Variants in SV2C observed in about 807,000 individuals in gnomAD.
SV2C encodes the protein synaptic vesicle glycoprotein 2C.
A neutral mutation model predicts 79.7 loss-of-function variants in SV2C; 49 were observed. The ratio of observed to expected loss-of-function variants is 0.61; its 90% CI spans 0.49 to 0.78. The LOEUF (loss-of-function observed/expected upper bound fraction) is 0.78, where lower values mean the gene tolerates loss of function less well. SV2C is among the 30% of genes least tolerant of loss of function. SV2C has a pLI of 0.00. For synonymous variants in SV2C, 334 were observed against 333.2 expected, an observed-to-expected ratio of 1.00 and a Z score of -0.03; for missense variants, 833 against 912.9, an observed-to-expected ratio of 0.91 and a Z score of 1.13.
At chr5:76,041,991 T>A in the SV2C span, among the ~76,000 whole-genome samples, 3 of 152,076 alleles carry the variant, frequency 2.0e-5, no homozygotes, top group Admixed American at 2.0e-4. Flanking sequence ...CTCCTCTGGC[T>A]CCATGTTTCA....
intron 4 of SV2C, among the ~76,000 whole-genome samples, chr5:76,228,293 T>A (rs980552458): frequency 6.6e-6 from 1 of 152,172 alleles, no homozygotes; most frequent in Non-Finnish European, 1.5e-5. Flanking sequence ...GTCAGCATGA[T>A]AATGGTTTGA....
intron 3 of SV2C, among the ~76,000 whole-genome samples, chr5:76,198,752 G>A (rs113633887): frequency 1.4e-3 from 207 of 152,230 alleles, no homozygotes; most frequent in African/African-American, 4.8e-3. Flanking sequence ...GTTTATCTGG[G>A]AACTCTGTTT....
the SV2C span, among the ~76,000 whole-genome samples, chr5:75,942,577 T>G: frequency 6.6e-6 from 1 of 152,160 alleles, no homozygotes; most frequent in East Asian, 1.9e-4. Flanking sequence ...TAAATGAACT[T>G]ATGTAAGCTA....
intron 2 of SV2C, among the ~76,000 whole-genome samples, chr5:76,134,554 A>G (rs527603324): frequency 5.9e-5 from 9 of 152,314 alleles, no homozygotes; most frequent in Non-Finnish European, 1.0e-4. Context: ...ATTTGCTACT[A>G]AGCATTGTGT....
At chr5:76,230,382 G>A (rs1373075905) in intron 4 of SV2C, among the ~76,000 whole-genome samples, 1 of 152,218 alleles carries the variant, frequency 6.6e-6, no homozygotes, top group Non-Finnish European at 1.5e-5. Flanking sequence ...TGGTCATGGG[G>A]AGGGTAATGA....
At chr5:75,993,479 C>A in the SV2C span, among the ~76,000 whole-genome samples, 1 of 152,042 alleles carries the variant, frequency 6.6e-6, no homozygotes, top group East Asian at 1.9e-4. Flanking sequence ...AAAGACCAAG[C>A]TAATGCTTTC....
At chr5:75,904,668 CATAACTTCTGGGACTGG>C in the SV2C span, among the ~76,000 whole-genome samples, 1 of 152,166 alleles carries the variant, frequency 6.6e-6, no homozygotes, top group Non-Finnish European at 1.5e-5. Context: ...AAGCTTACAC[CATAACTTCTGGGACTGG>C]ATCCTAGGGA....
chr5:75,950,090 G>T, the SV2C span, among the ~76,000 whole-genome samples: 1 of 152,126 alleles, frequency 6.6e-6, no homozygotes, highest in East Asian at 1.9e-4. Flanking sequence ...CAGGGAAGTA[G>T]GTTCAGCTAG....
the SV2C span, among the ~76,000 whole-genome samples, chr5:75,849,250 G>A: frequency 6.6e-6 from 1 of 152,190 alleles, no homozygotes; most frequent in African/African-American, 2.4e-5. Flanking sequence ...AGTCTCAAAT[G>A]GAAGGATAAA....
At chr5:76,136,251 G>T (rs111571704) in intron 2 of SV2C, among the ~76,000 whole-genome samples, 1 of 152,118 alleles carries the variant, frequency 6.6e-6, no homozygotes, top group Admixed American at 6.6e-5. Context: ...CCTAATTCCC[G>T]TATGCATTGG....
intron 8 of SV2C, among the ~76,000 whole-genome samples, chr5:76,292,498 G>A (rs1747600749): frequency 6.6e-6 from 1 of 152,276 alleles, no homozygotes; most frequent in South Asian, 2.1e-4. Flanking sequence ...GTTCAAAGCT[G>A]AGTGTGGTGC....
At chr5:76,004,527 T>C in the SV2C span, among the ~76,000 whole-genome samples, 1 of 152,188 alleles carries the variant, frequency 6.6e-6, no homozygotes, top group Admixed American at 6.5e-5. Flanking sequence ...TATTAATGTT[T>C]ATATTTGTGT....
chr5:76,292,838 G>A (rs1747610215), intron 8 of SV2C, among the ~76,000 whole-genome samples: 1 of 152,202 alleles, frequency 6.6e-6, no homozygotes, highest in South Asian at 2.1e-4. Context: ...ACTTTAGAAT[G>A]TGTGTGTACA....
the SV2C span, among the ~76,000 whole-genome samples, chr5:75,915,712 A>G: frequency 6.6e-6 from 1 of 152,214 alleles, no homozygotes; most frequent in Non-Finnish European, 1.5e-5. Context: ...TCACTTGATG[A>G]TAAACCATGG....
intron 12 of SV2C, among the ~76,000 whole-genome samples, chr5:76,315,049 A>T (rs7732296): frequency 0.13 from 19,201 of 152,150 alleles, 1,825 homozygotes; most frequent in East Asian, 0.42. Flanking sequence ...TGGGAGGGAG[A>T]TAAAGGGCTA....
the SV2C span, among the ~76,000 whole-genome samples, chr5:75,952,023 A>C: frequency 1.3e-5 from 2 of 152,008 alleles, no homozygotes; most frequent in Admixed American, 1.3e-4. Flanking sequence ...AGTAGTAAAA[A>C]TAAAGAATGA....
intron 2 of SV2C, among the ~76,000 whole-genome samples, chr5:76,173,468 G>A (rs1376828335): frequency 1.3e-5 from 2 of 152,254 alleles, no homozygotes; most frequent in African/African-American, 4.8e-5. Flanking sequence ...TGATTAGAAT[G>A]TGCAAACTGA....
the SV2C span, among the ~76,000 whole-genome samples, chr5:75,899,140 A>G: frequency 6.6e-6 from 1 of 151,840 alleles, no homozygotes; most frequent in Admixed American, 6.6e-5. Context: ...TTGCTTTTCT[A>G]GTTCTTTTAA....
intron 1 of SV2C, among the ~76,000 whole-genome samples, chr5:76,092,921 T>G (rs1202395216): frequency 6.6e-6 from 1 of 152,184 alleles, no homozygotes; most frequent in Non-Finnish European, 1.5e-5. Context: ...CGTCTCATAT[T>G]ATGTCATGGT....
Sources: gnomAD v4.1 joint callset for allele counts (sites outside exome capture counted in the v4.1 genomes callset) on GRCh38, gnomAD v4.1.1 for gene constraint, MANE v1.5 for transcripts, NCBI Gene and HGNC (gene_info 2026-07-23, HGNC 2026-07-21) for gene names.